Variants in CSNK2A2IP observed in about 807,000 individuals in gnomAD.
The protein encoded by CSNK2A2IP is casein kinase 2 subunit alpha' interacting protein, also known as casein kinase II subunit alpha'-interacting protein.
At chr3:88,373,370 T>C in the CSNK2A2IP span, among the ~76,000 whole-genome samples, 2 of 151,340 alleles carry the variant, frequency 1.3e-5, no homozygotes, top group Admixed American at 1.3e-4. Flanking sequence ...TAATAAACTC[T>C]AAAAATAATC....
chr3:88,426,815 A>T, the CSNK2A2IP span, among the ~76,000 whole-genome samples: 1 of 146,004 alleles, frequency 6.8e-6, no homozygotes, highest in African/African-American at 2.5e-5. Context: ...TCCTTTATAC[A>T]TTACCCAATC....
chr3:88,466,778 T>C, the CSNK2A2IP span: 5 of 850,962 alleles, frequency 5.9e-6, no homozygotes, highest in Non-Finnish European at 3.1e-6. Flanking sequence ...TCAAATTATG[T>C]GGTTTGCTTA....
At chr3:88,422,560 C>A in the CSNK2A2IP span, among the ~76,000 whole-genome samples, 3 of 152,162 alleles carry the variant, frequency 2.0e-5, no homozygotes, top group Non-Finnish European at 4.4e-5. Context: ...ATTGTAGGGT[C>A]TTAATATAGT....
chr3:88,373,316 A>G, the CSNK2A2IP span, among the ~76,000 whole-genome samples: 1 of 151,500 alleles, frequency 6.6e-6, no homozygotes, highest in African/African-American at 2.4e-5. Flanking sequence ...ATTAAAAATT[A>G]ATAGTAAAGA....
the CSNK2A2IP span, among the ~76,000 whole-genome samples, chr3:88,417,608 A>T: frequency 5.3e-5 from 8 of 152,352 alleles, no homozygotes; most frequent in East Asian, 1.5e-3. Flanking sequence ...CTAAGAACCA[A>T]CTATGAGTAT....
At chr3:88,388,798 G>C in the CSNK2A2IP span, among the ~76,000 whole-genome samples, 2 of 152,088 alleles carry the variant, frequency 1.3e-5, no homozygotes, top group Non-Finnish European at 2.9e-5. Flanking sequence ...AATTAAGGCT[G>C]CCTGTTTAGC....
At chr3:88,399,750 GA>G in the CSNK2A2IP span, 2 of 152,166 alleles carry the variant, frequency 1.3e-5, no homozygotes, top group African/African-American at 4.8e-5. Context: ...AGCTGAACAA[GA>G]AAGGAGAGAT....
the CSNK2A2IP span, among the ~76,000 whole-genome samples, chr3:88,366,632 T>C: frequency 6.6e-6 from 1 of 151,972 alleles, no homozygotes; most frequent in Non-Finnish European, 1.5e-5. Flanking sequence ...AACCAATTTC[T>C]AGGATTAAGA....
At chr3:88,388,532 C>T in the CSNK2A2IP span, among the ~76,000 whole-genome samples, 55 of 152,208 alleles carry the variant, frequency 3.6e-4, no homozygotes, top group African/African-American at 1.2e-3. Context: ...TGCAAATGTA[C>T]AGAATCTATT....
the CSNK2A2IP span, among the ~76,000 whole-genome samples, chr3:88,429,587 GCT>G: frequency 0.81 from 123,270 of 151,944 alleles, 50,678 homozygotes; most frequent in Non-Finnish European, 0.88. Flanking sequence ...TCTGAACGAG[GCT>G]ATGTTCTCTA....
the CSNK2A2IP span, among the ~76,000 whole-genome samples, chr3:88,393,979 G>C: frequency 6.6e-6 from 1 of 152,194 alleles, no homozygotes; most frequent in Non-Finnish European, 1.5e-5. Flanking sequence ...TGATGACAAA[G>C]ACCCAATTCT....
chr3:88,361,032 G>T, the CSNK2A2IP span, among the ~76,000 whole-genome samples: 1 of 151,938 alleles, frequency 6.6e-6, no homozygotes, highest in African/African-American at 2.4e-5. Context: ...ATATTTTGTT[G>T]TCCTTATTTA....
chr3:88,452,122 G>C, the CSNK2A2IP span, among the ~76,000 whole-genome samples: 1 of 151,714 alleles, frequency 6.6e-6, no homozygotes, highest in Admixed American at 6.6e-5. Context: ...ACCATGTCAG[G>C]TTTCCACCCC....
chr3:88,466,294 G>T, the CSNK2A2IP span: 1 of 1,231,648 alleles, frequency 8.1e-7, no homozygotes, highest in South Asian at 4.1e-5. Context: ...CCACCCATCT[G>T]AGAATTTACC....
At chr3:88,446,529 T>A in the CSNK2A2IP span, among the ~76,000 whole-genome samples, 1 of 152,204 alleles carries the variant, frequency 6.6e-6, no homozygotes, top group African/African-American at 2.4e-5. Context: ...CTTCCTTTTT[T>A]AGGGTCCAGA....
the CSNK2A2IP span, among the ~76,000 whole-genome samples, chr3:88,351,664 A>T: frequency 6.6e-6 from 1 of 152,098 alleles, no homozygotes. Flanking sequence ...AAATATTATG[A>T]TCTATTAAAT....
chr3:88,461,154 T>C, the CSNK2A2IP span, among the ~76,000 whole-genome samples: 4 of 152,230 alleles, frequency 2.6e-5, no homozygotes, highest in Non-Finnish European at 5.9e-5. Flanking sequence ...ATTTTCATTG[T>C]TGTTTCGTAA....
chr3:88,398,125 A>G, the CSNK2A2IP span, among the ~76,000 whole-genome samples: 16 of 152,252 alleles, frequency 1.1e-4, no homozygotes, highest in African/African-American at 3.8e-4. Flanking sequence ...TAAACAGAAA[A>G]TTAAATGCCC....
the CSNK2A2IP span, among the ~76,000 whole-genome samples, chr3:88,428,584 C>G: frequency 6.6e-6 from 1 of 152,118 alleles, no homozygotes; most frequent in African/African-American, 2.4e-5. Flanking sequence ...TGCCCTCATG[C>G]TGTTCTCGTG....
Sources: gnomAD v4.1 joint callset for allele counts (sites outside exome capture counted in the v4.1 genomes callset) on GRCh38, gnomAD v4.1.1 for gene constraint, MANE v1.5 for transcripts, NCBI Gene and HGNC (gene_info 2026-07-23, HGNC 2026-07-21) for gene names.